Variants in DMD observed in about 807,000 individuals in gnomAD.
DMD encodes the protein dystrophin, also known as mutant dystrophin.
DMD carries 63 observed loss-of-function variants against 330.1 expected under a neutral mutation model. The ratio of observed to expected loss-of-function variants is 0.19; its 90% CI spans 0.16 to 0.24. DMD has a LOEUF of 0.24. DMD is among the 10% of genes least tolerant of loss of function. The pLI, the probability that DMD is intolerant of heterozygous loss-of-function variation, is 1.00. For synonymous variants in DMD, 1,223 were observed against 959.8 expected (o/e 1.27, Z -5.07); for missense variants, 3,344 against 2,684.1 (o/e 1.25, Z -5.43).
chrX:32,464,195 A>G (rs1171787322), intron 24 of DMD, among the ~76,000 whole-genome samples: 1 of 111,938 alleles, frequency 8.9e-6, no homozygotes. Context: ...AGGATTCTTT[A>G]CCTTTAAATT....
chrX:31,553,946 C>T (rs1173405108), intron 55 of DMD, among the ~76,000 whole-genome samples: 1 of 112,602 alleles, frequency 8.9e-6, no homozygotes, highest in Admixed American at 9.4e-5. Flanking sequence ...AATATCATTA[C>T]ATATGTCCTT....
intron 2 of DMD, among the ~76,000 whole-genome samples, chrX:32,887,770 A>AAAAAAAAAAAACAAAAAAC (rs1383701636): frequency 1.4e-5 from 1 of 70,337 alleles, no homozygotes; most frequent in East Asian, 4.1e-4. Context: ...AAAAAAAAAA[A>AAAAAAAAAAAACAAAAAAC]AAAAAACATC....
chrX:31,229,019 A>T (rs773334874), intron 63 of DMD, among the ~76,000 whole-genome samples: 58 of 112,269 alleles, frequency 5.2e-4, no homozygotes, highest in African/African-American at 1.8e-3. Flanking sequence ...GAAACATGAA[A>T]CAAGTAATAG....
intron 13 of DMD, among the ~76,000 whole-genome samples, chrX:32,591,660 C>T (rs1325462448): frequency 8.9e-6 from 1 of 112,278 alleles, no homozygotes; most frequent in Non-Finnish European, 1.9e-5. Flanking sequence ...GAGGCGTGGC[C>T]AGGGCTGTGC....
At chrX:31,233,569 G>T (rs887249481) in intron 63 of DMD, among the ~76,000 whole-genome samples, 2 of 110,742 alleles carry the variant, frequency 1.8e-5, no homozygotes, top group Admixed American at 1.9e-4. Context: ...TACCTATTTT[G>T]AATTTATCAC....
At chrX:32,939,181 A>T in intron 2 of DMD, among the ~76,000 whole-genome samples, 1 of 99,499 alleles carries the variant, frequency 1.0e-5, no homozygotes, top group Non-Finnish European at 2.0e-5. Flanking sequence ...TCACCAAATA[A>T]TCTTCTAAAT....
intron 51 of DMD, among the ~76,000 whole-genome samples, chrX:31,742,195 T>C (rs1009751966): frequency 3.6e-5 from 4 of 112,288 alleles, no homozygotes; most frequent in African/African-American, 1.3e-4. Context: ...ATTCTCCATA[T>C]TAAAAATAAG....
At chrX:32,632,752 G>A (rs28753103) in intron 11 of DMD, among the ~76,000 whole-genome samples, 6,532 of 109,667 alleles carry the variant, frequency 0.06, 535 homozygotes, top group African/African-American at 0.21. Flanking sequence ...GGGTTGGGGC[G>A]GGGGCACAGT....
At position 32,807,835 on chromosome X, in the gene DMD, A is replaced by T. The variant is rs572483690; in HGVS notation, c.649+1658T>A. Among the ~76,000 whole-genome samples, 5 of 112,014 alleles carry T rather than the reference A, an allele frequency of 4.5e-5. No homozygotes were observed. The South Asian group carries it at 1.5e-3, about 33-fold the overall frequency. On this transcript the variant is annotated intron_variant, in intron 7 of 78. Transcript: ENST00000357033. ...AAAAGCCATTTTGTCACTTAATAAG[A>T]AAAATATCTATTTTTAAATCTTCTC...
intron 60 of DMD, among the ~76,000 whole-genome samples, chrX:31,401,063 A>C (rs1217671366): frequency 1.8e-5 from 2 of 111,710 alleles, no homozygotes; most frequent in Non-Finnish European, 3.8e-5. Context: ...TGAATGACCA[A>C]ACTGACAGGG....
intron 7 of DMD, among the ~76,000 whole-genome samples, chrX:32,713,865 C>A (rs1416446159): frequency 8.9e-6 from 1 of 111,736 alleles, no homozygotes; most frequent in African/African-American, 3.3e-5. Context: ...GTCAAAATTG[C>A]ATTTAATACA....
At chrX:31,171,081 C>T (rs2039943609) in intron 73 of DMD, among the ~76,000 whole-genome samples, 1 of 112,228 alleles carries the variant, frequency 8.9e-6, no homozygotes, top group Non-Finnish European at 1.9e-5. Context: ...TTACATTTGG[C>T]TGATTCTTTG....
intron 55 of DMD, among the ~76,000 whole-genome samples, chrX:31,593,811 T>C (rs987106366): frequency 4.5e-5 from 5 of 110,114 alleles, no homozygotes; most frequent in Non-Finnish European, 9.5e-5. Context: ...CGTTTGTCTA[T>C]ATAATGAATA....
chrX:33,234,629 A>G (rs1337596551), intron 1 of DMD, among the ~76,000 whole-genome samples: 1 of 111,848 alleles, frequency 8.9e-6, no homozygotes, highest in Non-Finnish European at 1.9e-5. Context: ...TTTAGAAGAA[A>G]TGTGGCAAAC....
intron 54 of DMD, among the ~76,000 whole-genome samples, chrX:31,639,938 T>C (rs1774090640): frequency 9.0e-6 from 1 of 110,932 alleles, no homozygotes; most frequent in Non-Finnish European, 1.9e-5. Flanking sequence ...AGAAAGTTTA[T>C]TATACTGAAA....
rs928173094 is a variant in DMD at position 32,863,149 on chromosome X, A to G, written c.94-13329T>C. The stretch of plus-strand genomic sequence containing the variant: ...ATCCCAATGGTTGCTTTTCTGACAG[A>G]AACGGTATGGTACAAGGTTGGCAAG... On this transcript the variant is annotated intron_variant, in intron 2 of 78. Transcript: ENST00000357033. 2.7e-5 allele frequency among the ~76,000 whole-genome samples: 3 copies of G among 111,502 alleles called. No homozygotes were observed. The Admixed American group carries it at 2.9e-4, about 11-fold the overall frequency.
intron 42 of DMD, among the ~76,000 whole-genome samples, chrX:32,303,941 G>A (rs1255530837): frequency 1.8e-5 from 2 of 110,677 alleles, no homozygotes; most frequent in East Asian, 5.7e-4. Context: ...TAGGTTTTAC[G>A]GAGCTTCCAA....
chrX:31,310,716 ATT>A (rs1230035132), intron 62 of DMD, among the ~76,000 whole-genome samples: 8 of 84,271 alleles, frequency 9.5e-5, no homozygotes, highest in Admixed American at 4.2e-4. Flanking sequence ...CATGCCAAGG[ATT>A]TTTTTTTTTT....
intron 1 of DMD, among the ~76,000 whole-genome samples, chrX:33,330,984 TCTC>T (rs2054164666): frequency 8.9e-6 from 1 of 111,904 alleles, no homozygotes; most frequent in Non-Finnish European, 1.9e-5. Context: ...TAAATATTTT[TCTC>T]TTCTCATCCA....
Sources: allele counts gnomAD v4.1 joint callset (sites outside exome capture counted in the v4.1 genomes callset), GRCh38; gene constraint gnomAD v4.1.1; transcripts MANE v1.5; gene names NCBI Gene and HGNC (gene_info 2026-07-23, HGNC 2026-07-21).